Variants in POU6F2 observed in about 807,000 individuals in gnomAD.
The protein encoded by POU6F2 is POU class 6 homeobox 2.
In POU6F2, 31 loss-of-function variants were observed where a neutral mutation model predicts 71.3. That is an observed-to-expected ratio of 0.43 (90% CI 0.33 to 0.59). The LOEUF (loss-of-function observed/expected upper bound fraction) is 0.59. POU6F2 is among the 20% of genes least tolerant of loss of function. The pLI, the probability that POU6F2 is intolerant of heterozygous loss-of-function variation, is 0.04. For missense variants in POU6F2, 783 were observed against 856.8 expected (o/e 0.91, Z 1.07); for synonymous variants, 347 against 355.7 (o/e 0.98, Z 0.27).
chr7:39,425,115 T>G (rs931598322), intron 6 of POU6F2, among the ~76,000 whole-genome samples: 2 of 152,118 alleles, frequency 1.3e-5, no homozygotes, highest in Non-Finnish European at 2.9e-5. Flanking sequence ...ATGCAAATTA[T>G]TCCCATAAAG....
intron 1 of POU6F2, among the ~76,000 whole-genome samples, chr7:39,035,771 T>C (rs1038411968): frequency 6.6e-6 from 1 of 152,096 alleles, no homozygotes; most frequent in Admixed American, 6.6e-5. Context: ...TAGCTTTTAA[T>C]TTAAACTTAA....
At chr7:39,166,027 A>T (rs1232842373) in intron 2 of POU6F2, among the ~76,000 whole-genome samples, 1 of 152,148 alleles carries the variant, frequency 6.6e-6, no homozygotes, top group Non-Finnish European at 1.5e-5. Context: ...CATCCCTGTC[A>T]TTGCACCTCA....
At chr7:39,373,320 C>T (rs1195802557) in intron 5 of POU6F2, among the ~76,000 whole-genome samples, 1 of 152,166 alleles carries the variant, frequency 6.6e-6, no homozygotes. Context: ...GCGGTTTCCA[C>T]AGATTGTAAG....
intron 6 of POU6F2, among the ~76,000 whole-genome samples, chr7:39,410,507 T>C (rs1298786067): frequency 1.3e-5 from 2 of 152,168 alleles, no homozygotes; most frequent in Non-Finnish European, 2.9e-5. Context: ...GATCTGGAAA[T>C]CATGCAAGTG....
intron 9 of POU6F2, among the ~76,000 whole-genome samples, chr7:39,463,508 C>T (rs1788995343): frequency 6.6e-6 from 1 of 152,028 alleles, no homozygotes; most frequent in African/African-American, 2.4e-5. Context: ...TGAGCCAGAA[C>T]AGGAAAGTAG....
intron 5 of POU6F2, among the ~76,000 whole-genome samples, chr7:39,351,915 G>C (rs909119452): frequency 6.6e-6 from 1 of 152,116 alleles, no homozygotes; most frequent in Non-Finnish European, 1.5e-5. Flanking sequence ...TCTCATGGTG[G>C]GAGTTTCCTC....
At chr7:39,059,301 A>G (rs1033898284) in intron 1 of POU6F2, among the ~76,000 whole-genome samples, 1 of 152,138 alleles carries the variant, frequency 6.6e-6, no homozygotes, top group Non-Finnish European at 1.5e-5. Context: ...GTTCTTAGAT[A>G]AATGTATATA....
chr7:39,111,985 C>T (rs1311592669), intron 2 of POU6F2, among the ~76,000 whole-genome samples: 10 of 152,042 alleles, frequency 6.6e-5, no homozygotes, highest in African/African-American at 2.4e-4. Flanking sequence ...TAGCTAAAAT[C>T]GTTCAAAATT....
intron 4 of POU6F2, among the ~76,000 whole-genome samples, chr7:39,312,687 A>G (rs1460050092): frequency 6.6e-6 from 1 of 152,150 alleles, no homozygotes; most frequent in Non-Finnish European, 1.5e-5. Flanking sequence ...CAGCATCACT[A>G]CTCTTGCACT....
At chr7:39,216,650 T>C (rs1261281908) in intron 4 of POU6F2, among the ~76,000 whole-genome samples, 1 of 152,196 alleles carries the variant, frequency 6.6e-6, no homozygotes, top group Non-Finnish European at 1.5e-5. Flanking sequence ...AATTTTATGG[T>C]ATACAAAATA....
At chr7:39,436,088 A>T (rs1788235191) in intron 7 of POU6F2, among the ~76,000 whole-genome samples, 1 of 151,950 alleles carries the variant, frequency 6.6e-6, no homozygotes, top group South Asian at 2.1e-4. Flanking sequence ...TTTGCTTAGG[A>T]TTGTCTTGGC....
At chr7:39,447,874 T>G (rs1788561558) in intron 7 of POU6F2, among the ~76,000 whole-genome samples, 1 of 152,232 alleles carries the variant, frequency 6.6e-6, no homozygotes, top group Non-Finnish European at 1.5e-5. Flanking sequence ...TATGTGATTT[T>G]TACAGTTAAG....
At chr7:39,208,908 A>C (rs1794085825) in intron 4 of POU6F2, among the ~76,000 whole-genome samples, 2 of 152,182 alleles carry the variant, frequency 1.3e-5, no homozygotes, top group African/African-American at 4.8e-5. Flanking sequence ...CTTAATGAAG[A>C]AATGGGCATT....
chr7:39,459,436 A>G (rs1260572279), intron 8 of POU6F2, among the ~76,000 whole-genome samples: 1 of 149,148 alleles, frequency 6.7e-6, no homozygotes, highest in African/African-American at 2.5e-5. Context: ...TGGCGTGCAA[A>G]TGTTCTGGTT....
At chr7:39,379,191 C>A (rs1786774339) in intron 5 of POU6F2, among the ~76,000 whole-genome samples, 1 of 152,134 alleles carries the variant, frequency 6.6e-6, no homozygotes, top group South Asian at 2.1e-4. Flanking sequence ...TGCTGCGCAT[C>A]ATTCTCGTGG....
intron 2 of POU6F2, among the ~76,000 whole-genome samples, chr7:39,114,372 A>G (rs1791885231): frequency 6.6e-6 from 1 of 151,394 alleles, no homozygotes; most frequent in African/African-American, 2.4e-5. Flanking sequence ...TTTAGCATTT[A>G]CCCTTCATGG....
intron 5 of POU6F2, among the ~76,000 whole-genome samples, chr7:39,383,757 C>G (rs1209137598): frequency 6.6e-6 from 1 of 152,234 alleles, no homozygotes; most frequent in Non-Finnish European, 1.5e-5. Flanking sequence ...ATTACCATTT[C>G]TCTCTGTGAA....
At chr7:39,173,486 G>A (rs1393859742) in intron 2 of POU6F2, among the ~76,000 whole-genome samples, 1 of 152,198 alleles carries the variant, frequency 6.6e-6, no homozygotes, top group Non-Finnish European at 1.5e-5. Flanking sequence ...TAAAAGTCCT[G>A]TAAAGAAATG....
At chr7:39,373,255 AAG>A (rs1381624743) in intron 5 of POU6F2, among the ~76,000 whole-genome samples, 1 of 152,192 alleles carries the variant, frequency 6.6e-6, no homozygotes, top group African/African-American at 2.4e-5. Flanking sequence ...AAGGTGAAGG[AAG>A]AGAGGGGTAC....
Sources: allele counts gnomAD v4.1 joint callset (sites outside exome capture counted in the v4.1 genomes callset), GRCh38; gene constraint gnomAD v4.1.1; transcripts MANE v1.5; gene names NCBI Gene and HGNC (gene_info 2026-07-23, HGNC 2026-07-21).